Variants in AQP4 observed in about 807,000 individuals in gnomAD.
AQP4 encodes aquaporin-4.
Under a neutral mutation model 27.8 loss-of-function variants are expected in AQP4, and 18 were observed. The ratio of observed to expected loss-of-function variants is 0.65; its 90% CI spans 0.45 to 0.96. The LOEUF (loss-of-function observed/expected upper bound fraction) is 0.96. Ranked by LOEUF, AQP4 falls within the 40% of genes least tolerant of loss-of-function variation. AQP4 has a pLI of 0.00. For synonymous variants in AQP4, 141 were observed against 142.9 expected (o/e 0.99, Z 0.10); for missense variants, 412 against 408.2 (o/e 1.01, Z -0.08).
intron 2 of AQP4, chr18:26,861,953 G>A (rs1037313798): frequency 1.4e-5 from 8 of 580,392 alleles, no homozygotes; most frequent in South Asian, 4.2e-5. Context: ...CACAATTTTC[G>A]GGCCACCTAG....
In AQP4 at chr18:26,852,621, G is replaced by C. The variant is rs1045084391; in HGVS notation, c.*3590C>G. On this transcript the variant is annotated 3_prime_UTR_variant, in exon 5 of 5. Transcript: ENST00000383168. ...AGTTTCAAAAGCTACTGCTCTTATG[G>C]GGCAATCTGTAGAGTACTAAACTCA... 7 of 390,550 alleles carry C rather than the reference G, an allele frequency of 1.8e-5. No homozygotes were observed. The highest frequency in any genetic ancestry group is 1.3e-4 in the Admixed American group (3 of 22,536). The allele number at this position is 390,550 out of a possible 1,614,324, so 24.2% of individuals were successfully genotyped here.
At chr18:26,860,990 A>G (rs1029844760) in intron 3 of AQP4, 138 bp from the exon 4 acceptor site, 49 of 1,377,052 alleles carry the variant, frequency 3.6e-5, no homozygotes, top group Non-Finnish European at 5.1e-5. Flanking sequence ...CTCATTGAGC[A>G]GTTGGAAAAA....
At chr18:26,864,591 C>A (rs943509668) in intron 1 of AQP4, among the ~76,000 whole-genome samples, 1 of 152,108 alleles carries the variant, frequency 6.6e-6, no homozygotes, top group South Asian at 2.1e-4. Flanking sequence ...AAAAATATTC[C>A]CAAAGACGGT....
intron 4 of AQP4, among the ~76,000 whole-genome samples, chr18:26,857,791 C>A (rs2054871378): frequency 6.6e-6 from 1 of 152,200 alleles, no homozygotes; most frequent in Non-Finnish European, 1.5e-5. Context: ...TGTCCCCGGG[C>A]CAGCCGTACT....
In AQP4 at chr18:26,862,466, A is replaced by T. The variant is rs747540951; in HGVS notation, c.163T>A (p.Ser55Thr). The T allele has an allele frequency of 2.5e-6, 4 of 1,614,202 alleles. No homozygotes were observed. In the South Asian group the frequency reaches 3.3e-5, roughly 13 times the overall value. ...TCTGTTCCACCCCAGTTGATGGTGG[A>T]TCCCAGGCTGAGGAGAACAAAAATA... ...MLIFVLLSLG[S>T]TINWGGTEKP... The change falls in exon 2 of 5, where the codon TCC becomes ACC. Residue 55 changes from serine to threonine, a missense_variant. By Grantham distance (58) the Ser-to-Thr change is moderately conservative. Transcript: ENST00000383168.
chr18:26,859,300 A>G (rs909538471), intron 4 of AQP4, among the ~76,000 whole-genome samples: 1 of 152,140 alleles, frequency 6.6e-6, no homozygotes, highest in Admixed American at 6.5e-5. Context: ...CAGGTGGATC[A>G]CCTAAGGTCA....
chr18:26,860,961 T>G, intron 3 of AQP4, 109 bp from the exon 4 acceptor site: 2 of 1,358,654 alleles, frequency 1.5e-6, no homozygotes, highest in South Asian at 2.4e-5. Context: ...CTCAAGATAT[T>G]AGCAGCTATA....
At chr18:26,858,974 A>G (rs2054891341) in intron 4 of AQP4, among the ~76,000 whole-genome samples, 1 of 152,206 alleles carries the variant, frequency 6.6e-6, no homozygotes, top group Non-Finnish European at 1.5e-5. Context: ...AATTAGTTCT[A>G]AATTTCATAC....
chr18:26,858,642 A>AC (rs1568066667), intron 4 of AQP4, among the ~76,000 whole-genome samples: 5 of 152,194 alleles, frequency 3.3e-5, no homozygotes, highest in African/African-American at 4.8e-5. Flanking sequence ...CTTTGTTAGT[A>AC]AGGTCTCATT....
chr18:26,865,142 T>C (rs2055035325), intron 1 of AQP4: 1 of 175,830 alleles, frequency 5.7e-6, no homozygotes, highest in South Asian at 1.4e-4. Context: ...CATATACATA[T>C]CTCTGGCCTT....
chr18:26,864,947 T>C (rs2055030836), intron 1 of AQP4, among the ~76,000 whole-genome samples: 1 of 152,142 alleles, frequency 6.6e-6, no homozygotes, highest in Non-Finnish European at 1.5e-5. Flanking sequence ...TAGTTGCTCT[T>C]TCAGCTTCAA....
chr18:26,853,979 ATTAT>A lies in AQP4; in HGVS notation c.*2228_*2231del, dbSNP rs1238549217. ...TGAGCAAAATAAAGATTAAAAGAAA[ATTAT>A]TTATATTCTTAAATCTCAAATGAGA... On this transcript the variant is annotated 3_prime_UTR_variant, in exon 5 of 5. Transcript: ENST00000383168. The A allele has an allele frequency of 6.6e-6, 1 of 152,178 alleles. No homozygotes were observed. The highest frequency in any genetic ancestry group is 2.4e-5 in the African/African-American group (1 of 41,440). The allele number at this position is 152,178 out of a possible 1,614,324, so 9.4% of individuals were successfully genotyped here.
At chr18:26,861,827 A>C (rs2054951237) in intron 2 of AQP4, among the ~76,000 whole-genome samples, 1 of 152,154 alleles carries the variant, frequency 6.6e-6, no homozygotes, top group South Asian at 2.1e-4. Flanking sequence ...TCTTATGAAC[A>C]TGACAAGAAA....
chr18:26,856,533 C>T (rs2054848525), intron 4 of AQP4, 44 bp from the exon 5 acceptor site: 2 of 1,601,694 alleles, frequency 1.2e-6, no homozygotes, highest in Non-Finnish European at 8.6e-7. Flanking sequence ...TAGAGAAAAG[C>T]TATTCCATTG....
chr18:26,865,628 G>A (rs751130196), intron 1 of AQP4, 30 bp downstream of exon 1: 21 of 1,613,896 alleles, frequency 1.3e-5, no homozygotes, highest in Non-Finnish European at 1.5e-5. Context: ...GGCCCTAAGC[G>A]TTGTTCCCTT....
At chr18:26,865,045 T>C (rs2055032760) in intron 1 of AQP4, among the ~76,000 whole-genome samples, 1 of 152,058 alleles carries the variant, frequency 6.6e-6, no homozygotes, top group Admixed American at 6.6e-5. Context: ...TAGCTTTTTT[T>C]TTTTTTTAAA....
intron 4 of AQP4, among the ~76,000 whole-genome samples, chr18:26,856,964 A>T (rs940844746): frequency 1.3e-5 from 2 of 152,176 alleles, no homozygotes; most frequent in Non-Finnish European, 1.5e-5. Context: ...CATGATCAAA[A>T]CCAACCCAGC....
At chr18:26,857,626 G>A (rs1250148986) in intron 4 of AQP4, among the ~76,000 whole-genome samples, 9 of 151,896 alleles carry the variant, frequency 5.9e-5, no homozygotes, top group African/African-American at 1.7e-4. Context: ...GTGCCCAGCC[G>A]GAAATTATTA....
At chr18:26,865,291 A>G in intron 1 of AQP4, 1 of 366,390 alleles carries the variant, frequency 2.7e-6, no homozygotes, top group African/African-American at 2.1e-5. Flanking sequence ...TTGTTGATGT[A>G]CTGAATCGGA....
Sources: gnomAD v4.1 joint callset for allele counts (sites outside exome capture counted in the v4.1 genomes callset) on GRCh38, gnomAD v4.1.1 for gene constraint, MANE v1.5 for transcripts, NCBI Gene and HGNC (gene_info 2026-07-23, HGNC 2026-07-21) for gene names.